Variants in TUSC3 observed in about 807,000 individuals in gnomAD.
The protein encoded by TUSC3 is dolichyl-diphosphooligosaccharide--protein glycosyltransferase subunit TUSC3.
Under a neutral mutation model 44.8 loss-of-function variants are expected in TUSC3, and 45 were observed. That is an observed-to-expected ratio of 1.00 (90% CI 0.79 to 1.29). TUSC3 has a LOEUF of 1.29. TUSC3 is among the 50% of genes most tolerant of loss of function. TUSC3 has a pLI of 0.00. For synonymous variants in TUSC3, 212 were observed against 152.9 expected, an observed-to-expected ratio of 1.39 and a Z score of -2.85; for missense variants, 519 against 437.9, an observed-to-expected ratio of 1.19 and a Z score of -1.65.
the TUSC3 span, among the ~76,000 whole-genome samples, chr8:15,810,852 G>T: frequency 2.0e-5 from 3 of 152,064 alleles, no homozygotes; most frequent in African/African-American, 7.2e-5. Context: ...CTGACGTAAA[G>T]ATCCGCAACA....
the TUSC3 span, among the ~76,000 whole-genome samples, chr8:15,848,006 A>C: frequency 6.6e-6 from 1 of 152,170 alleles, no homozygotes; most frequent in Non-Finnish European, 1.5e-5. Context: ...GTGGACATGC[A>C]ATACATATTT....
chr8:15,694,151 G>A (rs1475219314), intron 6 of TUSC3, among the ~76,000 whole-genome samples: 1 of 151,932 alleles, frequency 6.6e-6, no homozygotes, highest in Non-Finnish European at 1.5e-5. Context: ...GCCTGGTTAA[G>A]AACCATGTTG....
chr8:15,619,034 C>T (rs1805123855), intron 1 of TUSC3, among the ~76,000 whole-genome samples: 1 of 152,180 alleles, frequency 6.6e-6, no homozygotes, highest in Non-Finnish European at 1.5e-5. Flanking sequence ...GGAACACTTC[C>T]ATTACCTTAT....
chr8:15,803,895 C>T, the TUSC3 span, among the ~76,000 whole-genome samples: 1 of 152,156 alleles, frequency 6.6e-6, no homozygotes, highest in African/African-American at 2.4e-5. Flanking sequence ...TTTTTTATGT[C>T]TGCATAGTAT....
chr8:15,816,678 T>C, the TUSC3 span, among the ~76,000 whole-genome samples: 7 of 152,320 alleles, frequency 4.6e-5, no homozygotes, highest in South Asian at 4.1e-4. Context: ...TTTTTGTTTT[T>C]AGTACCTAGA....
the TUSC3 span, among the ~76,000 whole-genome samples, chr8:15,782,660 C>G: frequency 6.6e-6 from 1 of 152,070 alleles, no homozygotes; most frequent in Non-Finnish European, 1.5e-5. Flanking sequence ...AATAGATGTA[C>G]TAAAACCATT....
chr8:15,800,267 A>G, the TUSC3 span, among the ~76,000 whole-genome samples: 2 of 152,148 alleles, frequency 1.3e-5, no homozygotes, highest in African/African-American at 2.4e-5. Flanking sequence ...TGACAACATC[A>G]TAGATGACAT....
At chr8:15,549,291 A>G (rs77070837) in intron 1 of TUSC3, among the ~76,000 whole-genome samples, 7 of 151,654 alleles carry the variant, frequency 4.6e-5, no homozygotes, top group Non-Finnish European at 1.0e-4. Context: ...CTCCTGCCTC[A>G]GCCACCTGAG....
At chr8:15,430,882 A>G (rs1799865545) in intron 1 of TUSC3, among the ~76,000 whole-genome samples, 1 of 151,784 alleles carries the variant, frequency 6.6e-6, no homozygotes, top group South Asian at 2.1e-4. Flanking sequence ...CTGATTATCC[A>G]GATTTTTGTA....
At chr8:15,634,974 C>T (rs979783966) in intron 2 of TUSC3, among the ~76,000 whole-genome samples, 1 of 152,136 alleles carries the variant, frequency 6.6e-6, no homozygotes, top group African/African-American at 2.4e-5. Flanking sequence ...GCCAAGTGGT[C>T]ATTATCCTTA....
chr8:15,432,901 C>G (rs560147197), intron 1 of TUSC3, among the ~76,000 whole-genome samples: 2 of 152,280 alleles, frequency 1.3e-5, no homozygotes, highest in South Asian at 4.1e-4. Context: ...GTAGGTTAGC[C>G]TCTGGCTAAA....
chr8:15,602,062 AC>A (rs979661385), intron 1 of TUSC3, among the ~76,000 whole-genome samples: 82 of 151,700 alleles, frequency 5.4e-4, no homozygotes, highest in African/African-American at 2.0e-3. Context: ...GTGAGCACTG[AC>A]ATGATGCTCA....
intron 2 of TUSC3, among the ~76,000 whole-genome samples, chr8:15,523,726 A>ATATATATATATATATATATATATATATAT (rs1563273722): frequency 1.5e-5 from 2 of 134,646 alleles, no homozygotes; most frequent in Admixed American, 7.6e-5. Context: ...ATATATATAT[A>ATATATATATATATATATATATATATATAT]AAGTAGTTCT....
chr8:15,476,696 C>T (rs192296270), intron 1 of TUSC3, among the ~76,000 whole-genome samples: 43 of 152,294 alleles, frequency 2.8e-4, no homozygotes, highest in African/African-American at 1.0e-3. Context: ...AAGTACCCTC[C>T]ACAGGGTGGG....
intron 1 of TUSC3, among the ~76,000 whole-genome samples, chr8:15,418,543 G>A (rs149227086): frequency 6.6e-6 from 1 of 152,234 alleles, no homozygotes; most frequent in African/African-American, 2.4e-5. Flanking sequence ...AAAATTAGAA[G>A]TTGAAAGATT....
chr8:15,795,380 G>C, the TUSC3 span, among the ~76,000 whole-genome samples: 4 of 152,124 alleles, frequency 2.6e-5, no homozygotes, highest in African/African-American at 9.7e-5. Context: ...TGGCACCACT[G>C]ATCACTTCAG....
intron 1 of TUSC3, among the ~76,000 whole-genome samples, chr8:15,618,001 A>G (rs977557280): frequency 6.6e-6 from 1 of 152,210 alleles, no homozygotes; most frequent in Non-Finnish European, 1.5e-5. Flanking sequence ...GTCGTAACAC[A>G]ATAAGAAGTA....
At chr8:15,435,463 AG>A (rs1453114370) in intron 1 of TUSC3, among the ~76,000 whole-genome samples, 1 of 152,238 alleles carries the variant, frequency 6.6e-6, no homozygotes, top group East Asian at 1.9e-4. Flanking sequence ...AAATGTCTAC[AG>A]AAAATATTTC....
At chr8:15,493,953 C>T (rs980312546) in intron 2 of TUSC3, among the ~76,000 whole-genome samples, 28 of 152,172 alleles carry the variant, frequency 1.8e-4, no homozygotes, top group African/African-American at 6.8e-4. Context: ...GACTTCTGGA[C>T]GTACAGTTTG....
Sources: gnomAD v4.1 joint callset for allele counts (sites outside exome capture counted in the v4.1 genomes callset) on GRCh38, gnomAD v4.1.1 for gene constraint, MANE v1.5 for transcripts, NCBI Gene and HGNC (gene_info 2026-07-23, HGNC 2026-07-21) for gene names.